Variants in EIPR1 observed in about 807,000 individuals in gnomAD.
EIPR1 encodes EARP and GARP complex-interacting protein 1.
In EIPR1, 25 loss-of-function variants were observed where a neutral mutation model predicts 48.1. That is an observed-to-expected ratio of 0.52 (90% confidence interval 0.38 to 0.73). The LOEUF is 0.73. EIPR1 is among the 30% of genes least tolerant of loss of function. The pLI is 0.00. For missense variants in EIPR1, 415 were observed against 506.2 expected, an observed-to-expected ratio of 0.82 and a Z score of 1.73; for synonymous variants, 204 against 201.9, an observed-to-expected ratio of 1.01 and a Z score of -0.09.
At chr2:3,351,188 A>T (rs534365304) in intron 2 of EIPR1, among the ~76,000 whole-genome samples, 28 of 152,104 alleles carry the variant, frequency 1.8e-4, no homozygotes, top group Non-Finnish European at 4.1e-4. Context: ...TTTAGTAGAG[A>T]CAGGGTTTCA....
At chr2:3,248,681 A>G (rs1472452519) in intron 4 of EIPR1, among the ~76,000 whole-genome samples, 1 of 152,180 alleles carries the variant, frequency 6.6e-6, no homozygotes, top group African/African-American at 2.4e-5. Flanking sequence ...CAGGAGAATC[A>G]CTTATACTGG....
At chr2:3,330,397 C>T (rs1572451577) in intron 3 of EIPR1, among the ~76,000 whole-genome samples, 1 of 152,180 alleles carries the variant, frequency 6.6e-6, no homozygotes, top group African/African-American at 2.4e-5. Context: ...AGGTCCAGAG[C>T]AAGGGGGACA....
intron 4 of EIPR1, among the ~76,000 whole-genome samples, chr2:3,247,408 G>A (rs966679087): frequency 2.0e-5 from 3 of 152,174 alleles, no homozygotes; most frequent in African/African-American, 7.2e-5. Flanking sequence ...AAATTACCCT[G>A]TTGTGGCTAA....
chr2:3,311,056 C>G (rs769451859), intron 3 of EIPR1, among the ~76,000 whole-genome samples: 16 of 152,124 alleles, frequency 1.1e-4, no homozygotes, highest in Admixed American at 2.6e-4. Context: ...TGAAGATGCC[C>G]ACTCTCAGAC....
At chr2:3,318,160 C>T (rs976314926) in intron 3 of EIPR1, among the ~76,000 whole-genome samples, 6 of 152,236 alleles carry the variant, frequency 3.9e-5, no homozygotes, top group African/African-American at 1.4e-4. Flanking sequence ...AAGGGCAGGG[C>T]GCAGACCAGC....
chr2:3,232,579 G>A (rs1400721395), intron 4 of EIPR1, among the ~76,000 whole-genome samples: 1 of 151,964 alleles, frequency 6.6e-6, no homozygotes, highest in Non-Finnish European at 1.5e-5. Flanking sequence ...TAGGCTTTTT[G>A]GCTAGAATTT....
intron 2 of EIPR1, among the ~76,000 whole-genome samples, chr2:3,341,095 C>CAAAAAAA (rs55667121): frequency 8.6e-4 from 19 of 22,196 alleles, no homozygotes; most frequent in East Asian, 2.3e-3. Context: ...GATCCTGTCT[C>CAAAAAAA]AAAAAAAAAA....
chr2:3,215,882 C>A (rs1388745363), intron 4 of EIPR1, among the ~76,000 whole-genome samples: 1 of 152,214 alleles, frequency 6.6e-6, no homozygotes, highest in Non-Finnish European at 1.5e-5. Context: ...GTACTGTGAT[C>A]AAAGGCACAT....
chr2:3,297,703 C>T (rs191815929), intron 3 of EIPR1, among the ~76,000 whole-genome samples: 77 of 152,348 alleles, frequency 5.1e-4, no homozygotes, highest in African/African-American at 1.7e-3. Flanking sequence ...CAGAAATAAG[C>T]GAGTGTGTCT....
At chr2:3,225,222 ATGTGTGTGTGTGTG>A (rs61557621) in intron 4 of EIPR1, among the ~76,000 whole-genome samples, 33 of 137,022 alleles carry the variant, frequency 2.4e-4, no homozygotes, top group African/African-American at 3.8e-4. Flanking sequence ...ACACTGTGAT[ATGTGTGTGTGTGTG>A]TGTGTGTGTG....
chr2:3,303,520 A>T (rs1668821208), intron 3 of EIPR1, among the ~76,000 whole-genome samples: 2 of 152,374 alleles, frequency 1.3e-5, no homozygotes, highest in South Asian at 4.1e-4. Flanking sequence ...TCACGCTGCC[A>T]CGTCTGAATC....
At chr2:3,252,775 T>A (rs552068406) in intron 4 of EIPR1, among the ~76,000 whole-genome samples, 2 of 152,268 alleles carry the variant, frequency 1.3e-5, no homozygotes, top group East Asian at 3.9e-4. Flanking sequence ...CGGGCAGAGC[T>A]GCAGAGCACC....
intron 5 of EIPR1, among the ~76,000 whole-genome samples, chr2:3,201,832 G>C (rs1665045609): frequency 6.6e-6 from 1 of 152,260 alleles, no homozygotes; most frequent in South Asian, 2.1e-4. Flanking sequence ...AATGATTCGA[G>C]TGTACACATT....
chr2:3,279,401 G>A (rs893669850), intron 3 of EIPR1, among the ~76,000 whole-genome samples: 4 of 152,188 alleles, frequency 2.6e-5, no homozygotes, highest in Admixed American at 2.0e-4. Flanking sequence ...TGAGCCCAGC[G>A]AGGTAGCGTA....
intron 1 of EIPR1, among the ~76,000 whole-genome samples, chr2:3,369,164 A>G (rs911645628): frequency 1.3e-5 from 2 of 152,266 alleles, no homozygotes; most frequent in African/African-American, 4.8e-5. Flanking sequence ...CTTTTAAGAT[A>G]AAGAAGAAAA....
chr2:3,306,947 T>G (rs925357799), intron 3 of EIPR1, among the ~76,000 whole-genome samples: 2 of 151,342 alleles, frequency 1.3e-5, no homozygotes, highest in Non-Finnish European at 2.9e-5. Flanking sequence ...GGTTTCAAAC[T>G]CCAATCTTTT....
At chr2:3,232,342 A>G (rs570002624) in intron 4 of EIPR1, among the ~76,000 whole-genome samples, 1 of 152,238 alleles carries the variant, frequency 6.6e-6, no homozygotes, top group South Asian at 2.1e-4. Flanking sequence ...TCCTTCTGCT[A>G]ACTTTGGGCC....
chr2:3,374,636 T>C (rs1335013829), intron 1 of EIPR1, among the ~76,000 whole-genome samples: 2,352 of 151,484 alleles, frequency 0.016, 45 homozygotes, highest in African/African-American at 0.055. Flanking sequence ...AAAATGCTCA[T>C]CATCACTGGC....
chr2:3,223,879 C>A (rs1338765878), intron 4 of EIPR1, among the ~76,000 whole-genome samples: 1 of 152,114 alleles, frequency 6.6e-6, no homozygotes, highest in Admixed American at 6.5e-5. Flanking sequence ...TCCCATGTGA[C>A]CCCTAAACTC....
Sources: gnomAD v4.1 joint callset for allele counts (sites outside exome capture counted in the v4.1 genomes callset) on GRCh38, gnomAD v4.1.1 for gene constraint, MANE v1.5 for transcripts, NCBI Gene and HGNC (gene_info 2026-07-23, HGNC 2026-07-21) for gene names.